Variants in CTNNA3 observed in about 807,000 individuals in gnomAD.
CTNNA3 encodes catenin alpha-3.
A neutral mutation model predicts 95.7 loss-of-function variants in CTNNA3; 76 were observed. The ratio of observed to expected loss-of-function variants is 0.79; its 90% CI spans 0.66 to 0.96. The LOEUF is 0.96. CTNNA3 is among the 40% of genes least tolerant of loss of function. The pLI is 0.00. For synonymous variants in CTNNA3, 431 were observed against 374.4 expected, an observed-to-expected ratio of 1.15 and a Z score of -1.74; for missense variants, 1,191 against 1,089.8, an observed-to-expected ratio of 1.09 and a Z score of -1.31.
intron 5 of CTNNA3, among the ~76,000 whole-genome samples, chr10:67,317,316 C>T (rs1841098107): frequency 6.6e-6 from 1 of 151,824 alleles, no homozygotes; most frequent in Non-Finnish European, 1.5e-5. Flanking sequence ...CACCCATTAA[C>T]TCTTCATTTA....
chr10:66,847,913 A>G (rs1843337878), intron 7 of CTNNA3, among the ~76,000 whole-genome samples: 1 of 152,194 alleles, frequency 6.6e-6, no homozygotes, highest in South Asian at 2.1e-4. Flanking sequence ...AGCTGAGAAT[A>G]AATGTCTTAG....
chr10:66,779,054 G>T (rs1589245795), intron 7 of CTNNA3, among the ~76,000 whole-genome samples: 2 of 152,166 alleles, frequency 1.3e-5, no homozygotes, highest in East Asian at 1.9e-4. Context: ...CCCTCAAAGT[G>T]CTTACTCCCT....
chr10:66,076,439 T>C (rs1232252325), intron 14 of CTNNA3, among the ~76,000 whole-genome samples: 3 of 151,724 alleles, frequency 2.0e-5, no homozygotes, highest in Non-Finnish European at 3.0e-5. Context: ...CAATTTTCTG[T>C]AATATTTTAA....
intron 10 of CTNNA3, among the ~76,000 whole-genome samples, chr10:66,527,969 A>C (rs1841328541): frequency 6.6e-6 from 1 of 152,192 alleles, no homozygotes; most frequent in South Asian, 2.1e-4. Flanking sequence ...TTGTCAGGCA[A>C]GTAAAAAGAA....
At chr10:66,119,420 C>G (rs12357860) in intron 13 of CTNNA3, among the ~76,000 whole-genome samples, 27 of 152,156 alleles carry the variant, frequency 1.8e-4, no homozygotes, top group African/African-American at 6.0e-4. Flanking sequence ...CTCTCTCACT[C>G]TAATGTTTAC....
chr10:67,055,407 A>T (rs992848551), intron 7 of CTNNA3, among the ~76,000 whole-genome samples: 1 of 147,126 alleles, frequency 6.8e-6, no homozygotes, highest in Non-Finnish European at 1.5e-5. Context: ...ACAGAGATTC[A>T]CAACAGAACT....
intron 11 of CTNNA3, among the ~76,000 whole-genome samples, chr10:66,414,535 G>C (rs2093131668): frequency 6.6e-6 from 1 of 152,074 alleles, no homozygotes; most frequent in South Asian, 2.1e-4. Context: ...ACTAACATAG[G>C]GAGTTGCAAG....
At chr10:66,976,459 C>T (rs952636579) in intron 7 of CTNNA3, among the ~76,000 whole-genome samples, 39 of 152,172 alleles carry the variant, frequency 2.6e-4, no homozygotes, top group Admixed American at 6.6e-5. Flanking sequence ...TTGCCTTCAT[C>T]TCTTTTTCTA....
At chr10:67,209,809 C>T (rs1049195635) in intron 6 of CTNNA3, among the ~76,000 whole-genome samples, 1 of 150,994 alleles carries the variant, frequency 6.6e-6, no homozygotes, top group Non-Finnish European at 1.5e-5. Flanking sequence ...AAACTAACAC[C>T]TATTTTTTAA....
chr10:67,235,190 G>C (rs1482585523), intron 5 of CTNNA3, among the ~76,000 whole-genome samples: 3 of 152,050 alleles, frequency 2.0e-5, no homozygotes, highest in Non-Finnish European at 2.9e-5. Flanking sequence ...AACCAAAAAA[G>C]AGCCCGCATC....
chr10:66,951,566 A>C (rs148305758), intron 7 of CTNNA3, among the ~76,000 whole-genome samples: 285 of 152,324 alleles, frequency 1.9e-3, no homozygotes, highest in Non-Finnish European at 3.4e-3. Flanking sequence ...TTTAAGTAAT[A>C]TATTGAAGAT....
chr10:67,201,294 A>G (rs747663424), intron 6 of CTNNA3, among the ~76,000 whole-genome samples: 13 of 152,184 alleles, frequency 8.5e-5, no homozygotes, highest in Non-Finnish European at 1.8e-4. Flanking sequence ...TGCTTAACAA[A>G]TATAACCTCC....
chr10:67,239,967 C>T (rs1345863216), intron 5 of CTNNA3, among the ~76,000 whole-genome samples: 5 of 152,158 alleles, frequency 3.3e-5, no homozygotes, highest in Admixed American at 6.5e-5. Flanking sequence ...CAACTGATTC[C>T]ATGAACCGTT....
chr10:66,620,335 G>T (rs777521999), intron 10 of CTNNA3, among the ~76,000 whole-genome samples: 1 of 142,746 alleles, frequency 7.0e-6, no homozygotes, highest in Non-Finnish European at 1.6e-5. Context: ...ACAAACCTAA[G>T]CAAATTAATT....
At chr10:66,435,145 A>G (rs1269383325) in intron 11 of CTNNA3, among the ~76,000 whole-genome samples, 1 of 152,092 alleles carries the variant, frequency 6.6e-6, no homozygotes, top group African/African-American at 2.4e-5. Context: ...TGGTATCAGG[A>G]TGATGCTGGC....
chr10:66,517,260 C>T (rs1295458306), intron 11 of CTNNA3, among the ~76,000 whole-genome samples: 2 of 151,912 alleles, frequency 1.3e-5, no homozygotes, highest in African/African-American at 4.8e-5. Flanking sequence ...CTTGAACTGT[C>T]AGAGGCATGT....
rs538575156 is a variant in CTNNA3 at position 67,018,158 on chromosome 10, T to C, written c.1047+162159A>G. ...AGTGTTTACAGTAGGGCCAAGACTTTGTATTTTGGTAGTGATTCACTCACT... is the reference window on the plus strand; with the variant it reads ...AGTGTTTACAGTAGGGCCAAGACTTCGTATTTTGGTAGTGATTCACTCACT... On this transcript the variant is annotated intron_variant, in intron 7 of 17. Transcript: ENST00000433211. 3.9e-5 allele frequency among the ~76,000 whole-genome samples: 6 copies of C among 152,354 alleles called. No homozygotes were observed. In the South Asian group the frequency reaches 1.2e-3, roughly 32 times the overall value.
At chr10:67,740,962 T>C (rs1048294987) in intron 1 of CTNNA3, among the ~76,000 whole-genome samples, 2 of 151,382 alleles carry the variant, frequency 1.3e-5, no homozygotes, top group African/African-American at 4.8e-5. Context: ...ATATACACCA[T>C]GGAATACTAT....
intron 11 of CTNNA3, among the ~76,000 whole-genome samples, chr10:66,448,071 A>G (rs1393550664): frequency 6.6e-6 from 1 of 152,200 alleles, no homozygotes; most frequent in African/African-American, 2.4e-5. Context: ...AAAACACATG[A>G]AAAAATGTTC....
Sources: gnomAD v4.1 joint callset for allele counts (sites outside exome capture counted in the v4.1 genomes callset) on GRCh38, gnomAD v4.1.1 for gene constraint, MANE v1.5 for transcripts, NCBI Gene and HGNC (gene_info 2026-07-23, HGNC 2026-07-21) for gene names.